RANBP17: variants seen among roughly 807,000 people sequenced by gnomAD.
RANBP17 encodes the protein RAN binding protein 17, also known as ran-binding protein 17.
Under a neutral mutation model 141.2 loss-of-function variants are expected in RANBP17, and 158 were observed. The ratio of observed to expected loss-of-function variants is 1.12; its 90% confidence interval spans 0.98 to 1.28. RANBP17 has a LOEUF of 1.28. Among genes scored for constraint, RANBP17 ranks in the 50% most tolerant of loss-of-function variants. The pLI is 0.00. For missense variants in RANBP17, 1,438 were observed against 1,290.7 expected (o/e 1.11, Z -1.75); for synonymous variants, 430 against 450.0 (o/e 0.96, Z 0.56).
At chr5:171,162,052 T>C (rs1364791932) in intron 14 of RANBP17, among the ~76,000 whole-genome samples, 2 of 152,228 alleles carry the variant, frequency 1.3e-5, no homozygotes, top group African/African-American at 2.4e-5. Context: ...TCTGAAATGC[T>C]CTTTCAAACC....
chr5:171,142,594 G>T (rs933815893), intron 14 of RANBP17, among the ~76,000 whole-genome samples: 3 of 152,144 alleles, frequency 2.0e-5, no homozygotes, highest in African/African-American at 7.2e-5. Flanking sequence ...TTAGTAAATT[G>T]CCAGTAGTAA....
intron 5 of RANBP17, chr5:170,897,289 T>G: frequency 1.6e-6 from 1 of 630,484 alleles, no homozygotes; most frequent in Admixed American, 1.8e-5. Context: ...GCTTGCAGTG[T>G]TTCTTTATAA....
At chr5:171,277,637 G>GTGTGTGTATATATATATATATATATA (rs1437482589) in intron 25 of RANBP17, among the ~76,000 whole-genome samples, 2 of 56,920 alleles carry the variant, frequency 3.5e-5, no homozygotes, top group South Asian at 6.6e-4. Flanking sequence ...ATATATGTAT[G>GTGTGTGTATATATATATATATATATA]TATATATATA....
At chr5:170,912,547 G>A (rs929135546) in intron 7 of RANBP17, among the ~76,000 whole-genome samples, 4 of 151,884 alleles carry the variant, frequency 2.6e-5, no homozygotes, top group African/African-American at 9.7e-5. Context: ...TTGAGATAAT[G>A]CATCCCTGAA....
chr5:171,237,187 T>G (rs1764596939), intron 22 of RANBP17, among the ~76,000 whole-genome samples: 1 of 152,138 alleles, frequency 6.6e-6, no homozygotes, highest in African/African-American at 2.4e-5. Flanking sequence ...TACTTCTGAG[T>G]GTTGGAAGCT....
At chr5:170,885,611 T>G (rs1269867512) in intron 3 of RANBP17, among the ~76,000 whole-genome samples, 3 of 152,208 alleles carry the variant, frequency 2.0e-5, no homozygotes, top group Non-Finnish European at 2.9e-5. Flanking sequence ...TGTGACTGAC[T>G]TGGGAACAAT....
chr5:170,976,452 T>C (rs184511314), intron 14 of RANBP17, among the ~76,000 whole-genome samples: 45 of 152,280 alleles, frequency 3.0e-4, no homozygotes, highest in Non-Finnish European at 6.0e-4. Flanking sequence ...TACCAAAATC[T>C]TAGCTGTTGT....
intron 14 of RANBP17, among the ~76,000 whole-genome samples, chr5:171,036,450 T>C (rs1408176532): frequency 6.6e-6 from 1 of 152,162 alleles, no homozygotes; most frequent in East Asian, 1.9e-4. Flanking sequence ...TTTTTCTTTA[T>C]AATTTCAGCA....
At chr5:171,187,888 T>G (rs1761380302) in intron 18 of RANBP17, among the ~76,000 whole-genome samples, 1 of 152,228 alleles carries the variant, frequency 6.6e-6, no homozygotes, top group African/African-American at 2.4e-5. Flanking sequence ...AATACTTTTT[T>G]CTTTGTTTCT....
chr5:170,957,444 A>G (rs1204403576), intron 13 of RANBP17, among the ~76,000 whole-genome samples: 2 of 152,176 alleles, frequency 1.3e-5, no homozygotes, highest in African/African-American at 4.8e-5. Context: ...CTACTTCATA[A>G]AATGTGTTTC....
intron 14 of RANBP17, among the ~76,000 whole-genome samples, chr5:171,030,308 C>G (rs373002026): frequency 1.3e-4 from 20 of 152,124 alleles, no homozygotes; most frequent in African/African-American, 4.8e-4. Flanking sequence ...TATTTGGAAC[C>G]ATGTTACTGT....
chr5:171,062,346 G>T (rs1248020570), intron 14 of RANBP17, among the ~76,000 whole-genome samples: 2 of 152,162 alleles, frequency 1.3e-5, no homozygotes, highest in African/African-American at 4.8e-5. Context: ...CTCTTGTAGG[G>T]CAGGCCTAGT....
chr5:171,128,800 TA>T (rs956213739), intron 14 of RANBP17, among the ~76,000 whole-genome samples: 3 of 137,404 alleles, frequency 2.2e-5, no homozygotes, highest in Non-Finnish European at 4.8e-5. Flanking sequence ...TATTTATTAA[TA>T]AAAAAATAAA....
intron 14 of RANBP17, among the ~76,000 whole-genome samples, chr5:171,080,539 G>C (rs1356998323): frequency 6.6e-6 from 1 of 152,178 alleles, no homozygotes; most frequent in South Asian, 2.1e-4. Flanking sequence ...TGTCTGACCT[G>C]AATCACCAAG....
intron 14 of RANBP17, among the ~76,000 whole-genome samples, chr5:171,153,773 T>C (rs1043740820): frequency 6.6e-6 from 1 of 152,166 alleles, no homozygotes; most frequent in Non-Finnish European, 1.5e-5. Context: ...ACAGGCTGAG[T>C]GCAGTGGCTC....
intron 20 of RANBP17, chr5:171,207,878 T>C (rs1354086986): frequency 6.6e-6 from 1 of 152,360 alleles, no homozygotes; most frequent in South Asian, 2.1e-4. Context: ...CAAAAAGCTT[T>C]ATTAAAATAT....
At chr5:171,035,695 C>T (rs1455782325) in intron 14 of RANBP17, among the ~76,000 whole-genome samples, 2 of 138,422 alleles carry the variant, frequency 1.4e-5, no homozygotes, top group East Asian at 2.2e-4. Context: ...AGCCCAGATT[C>T]TGAACTTTTA....
chr5:170,935,541 C>T (rs905318510), intron 12 of RANBP17, among the ~76,000 whole-genome samples: 2 of 152,194 alleles, frequency 1.3e-5, no homozygotes, highest in African/African-American at 2.4e-5. Flanking sequence ...TCAGGACCCT[C>T]AGCTGCAGGT....
chr5:171,164,047 T>TC (rs1759518452), intron 14 of RANBP17, among the ~76,000 whole-genome samples: 1 of 152,172 alleles, frequency 6.6e-6, no homozygotes, highest in Non-Finnish European at 1.5e-5. Context: ...AGAACCAGTG[T>TC]TTTCTCTTAT....
Sources: gnomAD v4.1 joint callset for allele counts (sites outside exome capture counted in the v4.1 genomes callset) on GRCh38, gnomAD v4.1.1 for gene constraint, MANE v1.5 for transcripts, NCBI Gene and HGNC (gene_info 2026-07-23, HGNC 2026-07-21) for gene names.